The following CELF2 variants were observed in gnomAD, a reference collection of about 807,000 sequenced individuals.
The protein encoded by CELF2 is CUG triplet repeat RNA-binding protein 2.
A neutral mutation model predicts 62.6 loss-of-function variants in CELF2; 8 were observed. The observed-to-expected ratio is 0.13, with a 90% confidence interval of 0.07 to 0.23. The LOEUF is 0.23. CELF2 is among the 10% of genes least tolerant of loss of function. CELF2 has a pLI of 1.00. For synonymous variants in CELF2, 258 were observed against 250.0 expected, an observed-to-expected ratio of 1.03 and a Z score of -0.30; for missense variants, 333 against 671.0, an observed-to-expected ratio of 0.50 and a Z score of 5.56.
In CELF2 at chr10:11,324,794, C is replaced by A. The variant is rs1339731602; in HGVS notation, c.1295-1042C>A. Among the ~76,000 whole-genome samples the A allele has an allele frequency of 6.6e-6, 1 of 152,180 alleles. No homozygotes were observed. The highest frequency in any genetic ancestry group is 1.9e-4 in the East Asian group (1 of 5,194). On this transcript the variant is annotated intron_variant, in intron 11 of 12. Coordinates refer to ENST00000633077, the MANE Select transcript of CELF2 (RefSeq NM_001326342.2). This position sits in a 1 kb window ranked among gnomAD's most constrained non-coding sequence, Gnocchi z 4.7. ...CTTCCCACATCTAGGGACCCCAGTGCAGCTATCCCCTGGGGTTGCCTAGTT... is the reference window on the plus strand; with the variant it reads ...CTTCCCACATCTAGGGACCCCAGTGAAGCTATCCCCTGGGGTTGCCTAGTT...
chr10:11,218,999 T>C (rs901354916), intron 3 of CELF2, among the ~76,000 whole-genome samples: 2 of 152,230 alleles, frequency 1.3e-5, no homozygotes, highest in Non-Finnish European at 2.9e-5. Flanking sequence ...TTGTATTTCT[T>C]CTTTTAAAAA....
intron 2 of CELF2, among the ~76,000 whole-genome samples, chr10:11,197,513 G>A (rs1447145507): frequency 5.3e-5 from 8 of 152,216 alleles, no homozygotes; most frequent in African/African-American, 1.7e-4. Context: ...ATACAGTTGA[G>A]TGTCCCGATT....
At position 10,868,929 on chromosome 10, in the gene CELF2, C is replaced by T. The variant is rs142448730; in HGVS notation, c.54-51035C>T. 5.1e-4 allele frequency among the ~76,000 whole-genome samples: 78 copies of T among 152,294 alleles called. No homozygotes were observed. In the East Asian group the frequency reaches 0.015, roughly 29 times the overall value. On this transcript the variant is annotated intron_variant, in intron 1 of 13. Coordinates refer to the CELF2 transcript ENST00000636488. ...TAATTTCAATGGTAGGTATGTCCCC[C>T]ATCCTAGCATGTTTCTTTCTCGACT...
Position 11,223,154 on chromosome 10 carries a change from C to T in CELF2, c.354+5647C>T, listed in dbSNP as rs139596540. 1.1e-3 allele frequency among the ~76,000 whole-genome samples: 174 copies of T among 152,222 alleles called. 2 individuals carry two copies. The highest frequency in any genetic ancestry group is 4.0e-3 in the African/African-American group (168 of 41,516). On this transcript the variant is annotated intron_variant, in intron 3 of 12. Transcript: ENST00000633077. This position sits in a 1 kb window ranked among gnomAD's most constrained non-coding sequence, Gnocchi z 5.1. Reference sequence around the variant, plus strand: ...TCCGGATCATGGCAGATTCATGGTGCGTGTTAGAGAGGGTGCTTGAGAAAT... The same window carrying T: ...TCCGGATCATGGCAGATTCATGGTGTGTGTTAGAGAGGGTGCTTGAGAAAT...
chr10:10,786,120 A>T, the CELF2 span, among the ~76,000 whole-genome samples: 1 of 152,186 alleles, frequency 6.6e-6, no homozygotes, highest in East Asian at 1.9e-4. Flanking sequence ...AAGGTGGAAA[A>T]TCTCTGGTAA....
chr10:11,215,912 C>G (rs768137033), intron 2 of CELF2, among the ~76,000 whole-genome samples: 1 of 152,132 alleles, frequency 6.6e-6, no homozygotes, highest in Non-Finnish European at 1.5e-5. Flanking sequence ...GCTGAACTCA[C>G]CAGTGAAGTT....
chr10:10,951,629 C>T (rs1045666370), intron 2 of CELF2, among the ~76,000 whole-genome samples: 2 of 152,146 alleles, frequency 1.3e-5, no homozygotes, highest in Admixed American at 6.5e-5. Flanking sequence ...CCAATTCACC[C>T]GGTGTTCAGT....
intron 8 of CELF2, among the ~76,000 whole-genome samples, chr10:11,287,532 C>CA (rs1457262295): frequency 1.3e-5 from 2 of 152,192 alleles, no homozygotes; most frequent in Non-Finnish European, 2.9e-5. Context: ...TCATGAGTCA[C>CA]ACATTTATTC....
At chr10:10,769,628 G>T in the CELF2 span, among the ~76,000 whole-genome samples, 1 of 152,070 alleles carries the variant, frequency 6.6e-6, no homozygotes, top group South Asian at 2.1e-4. Flanking sequence ...GCTGGGCATG[G>T]TGGTGCATGA....
At chr10:10,952,453 A>G (rs1395879179) in intron 2 of CELF2, among the ~76,000 whole-genome samples, 2 of 152,138 alleles carry the variant, frequency 1.3e-5, no homozygotes, top group Admixed American at 1.3e-4. Context: ...GAAGAAAGAC[A>G]GTGAGCGAGC....
intron 1 of CELF2, among the ~76,000 whole-genome samples, chr10:10,894,179 G>T (rs57760600): frequency 0.022 from 3,340 of 152,240 alleles, 92 homozygotes; most frequent in African/African-American, 0.069. Context: ...TTGGAAGTAA[G>T]CTCAGAAGTT....
At position 11,110,141 on chromosome 10, in the gene CELF2, G is replaced by A. The variant is rs1392981998; in HGVS notation, c.75-55345G>A. Among the ~76,000 whole-genome samples the A allele has an allele frequency of 6.6e-6, 1 of 152,090 alleles. No homozygotes were observed. The highest frequency in any genetic ancestry group is 2.4e-5 in the African/African-American group (1 of 41,394). On this transcript the variant is annotated intron_variant, in intron 1 of 12. Coordinates refer to ENST00000633077, the MANE Select transcript of CELF2 (RefSeq NM_001326342.2). This position sits in a 1 kb window ranked among gnomAD's most constrained non-coding sequence, Gnocchi z 4.0. ...TTGGGCATGGTGGCATGCTCCTGTA[G>A]TCCCAGCTACTTGGGGAGGGGAGAG...
At chr10:11,114,109 T>G (rs1315425715) in intron 1 of CELF2, among the ~76,000 whole-genome samples, 1 of 152,202 alleles carries the variant, frequency 6.6e-6, no homozygotes, top group Non-Finnish European at 1.5e-5. Flanking sequence ...TTTCTCCCTC[T>G]GCTTACTTTT....
the CELF2 span, among the ~76,000 whole-genome samples, chr10:10,664,741 C>A: frequency 1.3e-5 from 2 of 152,298 alleles, no homozygotes; most frequent in Non-Finnish European, 2.9e-5. Flanking sequence ...TTTGCCGTTA[C>A]GGTAGTAGCC....
In CELF2 at chr10:10,819,611, G is replaced by T. The variant is rs137964915; in HGVS notation, c.53+20794G>T. Reference sequence around the variant, plus strand: ...AGAGAACATCCACTGGTTCTCTCCTGCATCTGTGCTCACTCCTCCTTCCCC... The same window carrying T: ...AGAGAACATCCACTGGTTCTCTCCTTCATCTGTGCTCACTCCTCCTTCCCC... On this transcript the variant is annotated intron_variant, in intron 1 of 13. Coordinates refer to the CELF2 transcript ENST00000636488. Among the ~76,000 whole-genome samples, 23 of 152,084 alleles carry T rather than the reference G, an allele frequency of 1.5e-4. No homozygotes were observed. The East Asian group carries it at 3.5e-3, about 23-fold the overall frequency.
chr10:11,312,857 C>T (rs1259079838), intron 9 of CELF2, among the ~76,000 whole-genome samples: 1 of 152,204 alleles, frequency 6.6e-6, no homozygotes, highest in African/African-American at 2.4e-5. Flanking sequence ...TCACTTGAAC[C>T]TGGGAGGCAG....
chr10:10,561,174 TTTAAAAATTTCCTC>T, the CELF2 span, among the ~76,000 whole-genome samples: 1 of 152,142 alleles, frequency 6.6e-6, no homozygotes, highest in Admixed American at 6.6e-5. Context: ...AAATAAAATT[TTTAAAAATTTCCTC>T]TTCTATTGGA....
rs1219700324 is a variant in CELF2 at position 11,214,190 on chromosome 10, G to C, written c.272-3235G>C. Among the ~76,000 whole-genome samples the C allele has an allele frequency of 6.6e-6, 1 of 152,156 alleles. No individual in the cohort carries two copies. Among genetic ancestry groups the C allele is most frequent in the African/African-American group, 2.4e-5 (1 of 41,438 alleles). On this transcript the variant is annotated intron_variant, in intron 2 of 12. Transcript: ENST00000633077. This position sits in a 1 kb window ranked among gnomAD's most constrained non-coding sequence, Gnocchi z 4.2. The stretch of plus-strand genomic sequence containing the variant: ...TCCCAGGTACTCAGGGAAGGGGCAG[G>C]AGAACCACTTGAGCCAAGGAGTTCA...
At chr10:10,578,941 G>C in the CELF2 span, among the ~76,000 whole-genome samples, 2 of 152,016 alleles carry the variant, frequency 1.3e-5, no homozygotes, top group Non-Finnish European at 2.9e-5. Flanking sequence ...ATGCATGTTG[G>C]GACTCTTCAA....
Sources: allele counts gnomAD v4.1 joint callset (sites outside exome capture counted in the v4.1 genomes callset), GRCh38; gene constraint gnomAD v4.1.1; non-coding constraint Gnocchi (gnomAD v3.1); transcripts MANE v1.5; gene names NCBI Gene and HGNC (gene_info 2026-07-23, HGNC 2026-07-21).